Variants in CSNK2A2IP observed in about 807,000 individuals in gnomAD.
The protein encoded by CSNK2A2IP is casein kinase 2 subunit alpha' interacting protein.
At chr3:88,390,012 T>C in the CSNK2A2IP span, among the ~76,000 whole-genome samples, 1 of 152,204 alleles carries the variant, frequency 6.6e-6, no homozygotes, top group South Asian at 2.1e-4. Flanking sequence ...GAGAACAGAA[T>C]GTAAAAACGG....
the CSNK2A2IP span, among the ~76,000 whole-genome samples, chr3:88,457,948 AT>A: frequency 6.6e-6 from 1 of 151,786 alleles, no homozygotes; most frequent in South Asian, 2.1e-4. Flanking sequence ...AGATAGGGGA[AT>A]TTAGGTTTTC....
chr3:88,425,071 T>C, the CSNK2A2IP span, among the ~76,000 whole-genome samples: 17 of 152,192 alleles, frequency 1.1e-4, no homozygotes, highest in South Asian at 3.3e-3. Flanking sequence ...ATTTTAGAAA[T>C]GTTACTCTAG....
At chr3:88,465,633 G>C in the CSNK2A2IP span, 1 of 1,231,678 alleles carries the variant, frequency 8.1e-7, no homozygotes, top group Non-Finnish European at 1.0e-6. Context: ...ATTCACCATT[G>C]TTCCATGCCA....
At chr3:88,420,068 A>T in the CSNK2A2IP span, among the ~76,000 whole-genome samples, 1 of 152,186 alleles carries the variant, frequency 6.6e-6, no homozygotes, top group Non-Finnish European at 1.5e-5. Flanking sequence ...TTATGATTTT[A>T]TTGGTCTGAG....
the CSNK2A2IP span, among the ~76,000 whole-genome samples, chr3:88,355,070 C>A: frequency 3.3e-5 from 5 of 152,002 alleles, no homozygotes; most frequent in Non-Finnish European, 7.4e-5. Context: ...TGAAACATGC[C>A]AGCAATGCAA....
the CSNK2A2IP span, among the ~76,000 whole-genome samples, chr3:88,390,016 A>G: frequency 6.6e-6 from 1 of 152,128 alleles, no homozygotes; most frequent in African/African-American, 2.4e-5. Flanking sequence ...ACAGAATGTA[A>G]AAACGGCTCG....
the CSNK2A2IP span, among the ~76,000 whole-genome samples, chr3:88,455,767 T>C: frequency 6.6e-6 from 1 of 151,988 alleles, no homozygotes; most frequent in African/African-American, 2.4e-5. Context: ...TATAAAAAAA[T>C]CATTACTAAA....
chr3:88,465,965 C>T, the CSNK2A2IP span: 6 of 1,231,656 alleles, frequency 4.9e-6, no homozygotes, highest in South Asian at 4.1e-5. Flanking sequence ...ACATCATCTT[C>T]CTTGGGACCC....
chr3:88,373,425 GT>G, the CSNK2A2IP span, among the ~76,000 whole-genome samples: 4 of 151,312 alleles, frequency 2.6e-5, no homozygotes, highest in African/African-American at 9.7e-5. Context: ...AAATTTTGAA[GT>G]GAATGAAATT....
At chr3:88,355,934 C>A in the CSNK2A2IP span, among the ~76,000 whole-genome samples, 43 of 152,022 alleles carry the variant, frequency 2.8e-4, 1 homozygote, top group African/African-American at 9.6e-4. Context: ...AACCGATGCT[C>A]TTTAATTTTT....
chr3:88,389,119 G>T, the CSNK2A2IP span, among the ~76,000 whole-genome samples: 4 of 152,002 alleles, frequency 2.6e-5, no homozygotes, highest in African/African-American at 7.3e-5. Flanking sequence ...ATGATAATTA[G>T]TGTTCCATAG....
the CSNK2A2IP span, among the ~76,000 whole-genome samples, chr3:88,389,826 C>CT: frequency 0.02 from 2,890 of 143,520 alleles, 103 homozygotes; most frequent in African/African-American, 0.069. Flanking sequence ...AAACCCTGTA[C>CT]TTTTTTTTTT....
the CSNK2A2IP span, among the ~76,000 whole-genome samples, chr3:88,387,119 G>A: frequency 6.6e-6 from 1 of 150,744 alleles, no homozygotes; most frequent in Non-Finnish European, 1.5e-5. Context: ...TTTCAGCATT[G>A]CAACAACCAC....
At chr3:88,389,235 T>TA in the CSNK2A2IP span, among the ~76,000 whole-genome samples, 62,144 of 148,860 alleles carry the variant, frequency 0.42, 14,262 homozygotes, top group South Asian at 0.61. Context: ...ACATTTAATT[T>TA]AAAAAAAAAA....
the CSNK2A2IP span, among the ~76,000 whole-genome samples, chr3:88,460,044 G>A: frequency 2.0e-5 from 3 of 151,788 alleles, no homozygotes; most frequent in Non-Finnish European, 2.9e-5. Flanking sequence ...TAGAACAAAC[G>A]GATAATTTTT....
At chr3:88,382,380 G>A in the CSNK2A2IP span, among the ~76,000 whole-genome samples, 1 of 152,204 alleles carries the variant, frequency 6.6e-6, no homozygotes, top group Non-Finnish European at 1.5e-5. Flanking sequence ...AGAATGGGGA[G>A]GGCTAGGCAG....
At chr3:88,447,973 T>C in the CSNK2A2IP span, among the ~76,000 whole-genome samples, 1 of 152,220 alleles carries the variant, frequency 6.6e-6, no homozygotes, top group South Asian at 2.1e-4. Context: ...TTCCAAAGCG[T>C]TAATTTCAAA....
chr3:88,386,503 A>G, the CSNK2A2IP span, among the ~76,000 whole-genome samples: 658 of 152,326 alleles, frequency 4.3e-3, 10 homozygotes, highest in Non-Finnish European at 4.2e-3. Context: ...TTTGGTCAGG[A>G]AAGTATGCCA....
chr3:88,416,889 C>A, the CSNK2A2IP span, among the ~76,000 whole-genome samples: 1 of 151,974 alleles, frequency 6.6e-6, no homozygotes, highest in Non-Finnish European at 1.5e-5. Context: ...CACGTGCTAA[C>A]AATTTTTAGT....
Sources: gnomAD v4.1 joint callset for allele counts (sites outside exome capture counted in the v4.1 genomes callset) on GRCh38, gnomAD v4.1.1 for gene constraint, MANE v1.5 for transcripts, NCBI Gene and HGNC (gene_info 2026-07-23, HGNC 2026-07-21) for gene names.